Variants in PDE4D observed in about 807,000 individuals in gnomAD.
The protein encoded by PDE4D is 3',5'-cyclic-AMP phosphodiesterase 4D.
Under a neutral mutation model 87.4 loss-of-function variants are expected in PDE4D, and 24 were observed. That is an observed-to-expected ratio of 0.27 (90% CI 0.20 to 0.39). The LOEUF (loss-of-function observed/expected upper bound fraction) is 0.39. Among genes scored for constraint, PDE4D ranks in the 10% least tolerant of loss-of-function variants. The pLI, the probability that PDE4D is intolerant of heterozygous loss-of-function variation, is 1.00. For synonymous variants in PDE4D, 384 were observed against 383.2 expected (o/e 1.00, Z -0.02); for missense variants, 714 against 1,041.0 (o/e 0.69, Z 4.32).
rs1056131041 is a variant in PDE4D, at chr5:59,927,871, C to T, written c.272+60617G>A. 2.0e-5 allele frequency among the ~76,000 whole-genome samples: 3 copies of T among 152,226 alleles called. No individual in the cohort carries two copies. In the South Asian group the frequency reaches 6.2e-4, roughly 31 times the overall value. ...ACTACTTGAATATTTATAAAGTTTA[C>T]AGTTCACATGTGGCATTTCCATAAG... On this transcript the variant is annotated intron_variant, in intron 3 of 16. Coordinates refer to the PDE4D transcript ENST00000502484.
At chr5:59,730,642 C>A (rs1039468601) in intron 1 of PDE4D, among the ~76,000 whole-genome samples, 1 of 152,040 alleles carries the variant, frequency 6.6e-6, no homozygotes, top group African/African-American at 2.4e-5. Context: ...TAAATAGTCA[C>A]AAAATGTGTC....
intron 1 of PDE4D, among the ~76,000 whole-genome samples, chr5:59,796,010 G>T (rs1019146312): frequency 6.6e-6 from 1 of 152,138 alleles, no homozygotes; most frequent in Admixed American, 6.5e-5. Context: ...TTCTCAGAAG[G>T]AAACAACCTT....
Position 60,036,990 on chromosome 5 carries a change from C to T in PDE4D, c.43-48273G>A, listed in dbSNP as rs182108511. Among the ~76,000 whole-genome samples the T allele has an allele frequency of 1.6e-3, 251 of 152,282 alleles. 2 individuals carry two copies. The highest frequency in any genetic ancestry group is 0.014 in the Middle Eastern group (4 of 294). ...AAAACATTTTGTCTTATAAAAAACG[C>T]TACCTCCATGCAAGGAGGGGGGCCC... On this transcript the variant is annotated intron_variant, in intron 2 of 16. Transcript: ENST00000502484.
intron 1 of PDE4D, among the ~76,000 whole-genome samples, chr5:59,569,329 C>T (rs1231195823): frequency 1.3e-5 from 2 of 152,024 alleles, no homozygotes; most frequent in Non-Finnish European, 2.9e-5. Flanking sequence ...AGACAGGAAA[C>T]AATTTACAGG....
intron 1 of PDE4D, among the ~76,000 whole-genome samples, chr5:59,414,404 G>A (rs996247185): frequency 3.9e-5 from 6 of 152,206 alleles, no homozygotes; most frequent in Non-Finnish European, 4.4e-5. Flanking sequence ...GGGAGGGACT[G>A]GACCTTGAAG....
intron 1 of PDE4D, among the ~76,000 whole-genome samples, chr5:59,492,675 T>C (rs1224458582): frequency 6.6e-6 from 1 of 152,158 alleles, no homozygotes; most frequent in Non-Finnish European, 1.5e-5. Flanking sequence ...GGGAAGTTTA[T>C]TAGTGTAGGG....
intron 1 of PDE4D, among the ~76,000 whole-genome samples, chr5:60,363,133 T>G (rs1222694090): frequency 1.3e-5 from 2 of 152,224 alleles, no homozygotes; most frequent in Non-Finnish European, 1.5e-5. Context: ...TTTAATGGTC[T>G]GCAAAAATGT....
chr5:59,451,145 C>A (rs1469925360), intron 1 of PDE4D, among the ~76,000 whole-genome samples: 1 of 152,186 alleles, frequency 6.6e-6, no homozygotes, highest in South Asian at 2.1e-4. Context: ...TTCACTAAAC[C>A]AATGAACATT....
At chr5:59,699,207 G>A (rs1431991159) in intron 1 of PDE4D, among the ~76,000 whole-genome samples, 1 of 152,056 alleles carries the variant, frequency 6.6e-6, no homozygotes, top group East Asian at 1.9e-4. Flanking sequence ...ACACACAGAA[G>A]CAGGTATGTT....
chr5:59,566,674 G>A (rs1019140070), intron 1 of PDE4D, among the ~76,000 whole-genome samples: 2 of 151,990 alleles, frequency 1.3e-5, no homozygotes, highest in Admixed American at 6.6e-5. Context: ...AACCATGTCT[G>A]ATTTGGCATC....
At chr5:59,862,530 T>C (rs541918529) in intron 1 of PDE4D, among the ~76,000 whole-genome samples, 51 of 152,262 alleles carry the variant, frequency 3.3e-4, no homozygotes, top group African/African-American at 1.2e-3. Context: ...ACTGTGATGC[T>C]AGTTTTGCCA....
rs187055093 is a variant in PDE4D at position 60,136,699 on chromosome 5, T to C, written c.42+48858A>G. On this transcript the variant is annotated intron_variant, in intron 2 of 16. Transcript: ENST00000502484. ...TATCCACCCAATATCCATTCTTTTCTTATTCCTTGCTAAACAAAAACACCT... is the reference window on the plus strand; with the variant it reads ...TATCCACCCAATATCCATTCTTTTCCTATTCCTTGCTAAACAAAAACACCT... 2.0e-5 allele frequency among the ~76,000 whole-genome samples: 3 copies of C among 152,312 alleles called. No individual in the cohort carries two copies. The East Asian group carries it at 5.8e-4, about 29-fold the overall frequency.
intron 1 of PDE4D, among the ~76,000 whole-genome samples, chr5:59,244,702 GTGTGTGTGTGTGTGTGTGTGTA>G (rs1177084519): frequency 1.4e-5 from 2 of 146,764 alleles, no homozygotes; most frequent in African/African-American, 5.0e-5. Context: ...GTGTGTGTGT[GTGTGTGTGTGTGTGTGTGTGTA>G]TAGAGAGACC....
chr5:60,230,661 C>T (rs890076393), intron 1 of PDE4D, among the ~76,000 whole-genome samples: 2 of 152,068 alleles, frequency 1.3e-5, no homozygotes, highest in Admixed American at 1.3e-4. Flanking sequence ...ATCTTTGACA[C>T]AATGATGTTT....
intron 1 of PDE4D, among the ~76,000 whole-genome samples, chr5:59,483,455 A>G (rs1194984562): frequency 6.6e-6 from 1 of 152,148 alleles, no homozygotes; most frequent in Non-Finnish European, 1.5e-5. Flanking sequence ...AAAATCCTCT[A>G]CAGTTCCAAG....
intron 1 of PDE4D, among the ~76,000 whole-genome samples, chr5:60,482,487 C>A (rs1331853527): frequency 1.3e-5 from 2 of 152,136 alleles, no homozygotes; most frequent in East Asian, 3.9e-4. Context: ...CAAGCTCTGG[C>A]CAATAGAAGG....
intron 1 of PDE4D, among the ~76,000 whole-genome samples, chr5:59,855,501 A>T (rs1414041933): frequency 6.6e-6 from 1 of 152,154 alleles, no homozygotes; most frequent in African/African-American, 2.4e-5. Flanking sequence ...CCATTACTAA[A>T]ATTAATTTTT....
intron 2 of PDE4D, among the ~76,000 whole-genome samples, chr5:60,134,104 A>C (rs1458452003): frequency 1.3e-5 from 2 of 152,240 alleles, no homozygotes; most frequent in Non-Finnish European, 2.9e-5. Context: ...ATAAAGATGC[A>C]CATATATAAC....
chr5:59,063,322 G>C (rs546738793), intron 5 of PDE4D: 1 of 152,304 alleles, frequency 6.6e-6, no homozygotes, highest in South Asian at 2.1e-4. Context: ...ACTCCCAGTG[G>C]AGATGAAAGT....
Sources: allele counts gnomAD v4.1 joint callset (sites outside exome capture counted in the v4.1 genomes callset), GRCh38; gene constraint gnomAD v4.1.1; transcripts MANE v1.5; gene names NCBI Gene and HGNC (gene_info 2026-07-23, HGNC 2026-07-21).